The following EDIL3 variants were observed in gnomAD, a reference collection of about 807,000 sequenced individuals.
The protein encoded by EDIL3 is EGF like and discoidin domains 3.
In EDIL3, 37 loss-of-function variants were observed where a neutral mutation model predicts 67.4. That is an observed-to-expected ratio of 0.55 (90% CI 0.42 to 0.72). The LOEUF is 0.72. Among genes scored for constraint, EDIL3 ranks in the 30% least tolerant of loss-of-function variants. The pLI, the probability that EDIL3 is intolerant of heterozygous loss-of-function variation, is 0.00. For synonymous variants in EDIL3, 195 were observed against 196.3 expected (o/e 0.99, Z 0.05); for missense variants, 527 against 586.3 (o/e 0.90, Z 1.04).
chr5:84,124,844 A>G (rs1295714109), intron 5 of EDIL3, among the ~76,000 whole-genome samples: 1 of 152,052 alleles, frequency 6.6e-6, no homozygotes, highest in Non-Finnish European at 1.5e-5. Context: ...TTAAATGTGT[A>G]TAAATAGATG....
At position 84,230,868 on chromosome 5, in the gene EDIL3, G is replaced by A. The variant is rs113137022; in HGVS notation, c.197-984C>T. Among the ~76,000 whole-genome samples, 492 of 151,324 alleles carry A rather than the reference G, an allele frequency of 3.3e-3. 1 individual carries two copies. Among genetic ancestry groups the A allele is most frequent in the African/African-American group, 0.011 (470 of 41,212 alleles). ...GTGATGATTCTGTGGTAAGGACACC[G>A]GAACCTGCATTTTAAAGAGTGACCC... On this transcript the variant is annotated intron_variant, in intron 2 of 10. Transcript: ENST00000296591.
intron 4 of EDIL3, among the ~76,000 whole-genome samples, chr5:84,176,181 A>AATATATATATATATATAATATATATATAT (rs1402174246): frequency 1.3e-4 from 11 of 86,470 alleles, no homozygotes; most frequent in Admixed American, 3.3e-4. Flanking sequence ...AGTGGTAAAA[A>AATATATATATATATATAATATATATATAT]ATATATATAT....
intron 10 of EDIL3, among the ~76,000 whole-genome samples, chr5:83,956,088 T>C (rs1261718137): frequency 6.6e-6 from 1 of 151,810 alleles, no homozygotes; most frequent in African/African-American, 2.4e-5. Context: ...CTGGTTTGTC[T>C]TTCATTTCCA....
chr5:84,278,245 C>T (rs1356452115), intron 1 of EDIL3, among the ~76,000 whole-genome samples: 1 of 152,162 alleles, frequency 6.6e-6, no homozygotes, highest in Non-Finnish European at 1.5e-5. Context: ...ACATTACAGA[C>T]TGTCTATTCC....
intron 1 of EDIL3, among the ~76,000 whole-genome samples, chr5:84,261,110 T>C (rs576139729): frequency 4.6e-5 from 7 of 152,314 alleles, no homozygotes; most frequent in African/African-American, 1.4e-4. Context: ...CCTTCTATTG[T>C]AGAAGCGAGA....
At chr5:84,250,949 A>T (rs1054883033) in intron 2 of EDIL3, among the ~76,000 whole-genome samples, 2 of 152,124 alleles carry the variant, frequency 1.3e-5, no homozygotes, top group African/African-American at 4.8e-5. Flanking sequence ...TGACAGCTCA[A>T]ATATTTTTTG....
chr5:84,193,975 T>C (rs961648132), intron 3 of EDIL3, among the ~76,000 whole-genome samples: 1 of 151,954 alleles, frequency 6.6e-6, no homozygotes, highest in African/African-American at 2.4e-5. Flanking sequence ...TTATACCAAA[T>C]AATATTCTAG....
At chr5:84,313,473 T>C (rs1240516546) in intron 1 of EDIL3, among the ~76,000 whole-genome samples, 6 of 152,200 alleles carry the variant, frequency 3.9e-5, no homozygotes, top group African/African-American at 1.4e-4. Flanking sequence ...CGTGCAATAA[T>C]GGAGAACATG....
chr5:84,326,921 A>G (rs1746770828), intron 1 of EDIL3, among the ~76,000 whole-genome samples: 2 of 151,832 alleles, frequency 1.3e-5, no homozygotes, highest in Non-Finnish European at 2.9e-5. Context: ...TCTGTGCTAC[A>G]ATCTAATTTT....
At chr5:84,075,461 GCTT>G (rs760523965) in intron 6 of EDIL3, among the ~76,000 whole-genome samples, 67 of 151,888 alleles carry the variant, frequency 4.4e-4, no homozygotes, top group Non-Finnish European at 7.5e-4. Context: ...TTTGACAGGG[GCTT>G]CTTCTTCTTC....
intron 1 of EDIL3, among the ~76,000 whole-genome samples, chr5:84,277,170 A>C (rs756823657): frequency 4.6e-5 from 7 of 152,140 alleles, no homozygotes; most frequent in Non-Finnish European, 8.8e-5. Flanking sequence ...CATCCCCCCA[A>C]GATTCATATG....
At chr5:84,051,929 C>A (rs577670924) in intron 9 of EDIL3, among the ~76,000 whole-genome samples, 4 of 152,228 alleles carry the variant, frequency 2.6e-5, no homozygotes, top group African/African-American at 4.8e-5. Flanking sequence ...GCAAAGCAGA[C>A]CAACATTCAA....
rs113262837 is a variant in EDIL3, at chr5:84,149,229, T to C, written c.356-11875A>G. Among the ~76,000 whole-genome samples the C allele has an allele frequency of 7.2e-3, 1,103 of 152,284 alleles. 17 individuals are homozygous for C. Among genetic ancestry groups the C allele is most frequent in the East Asian group, 0.037 (194 of 5,176 alleles). On this transcript the variant is annotated intron_variant, in intron 4 of 10. Transcript: ENST00000296591. The stretch of plus-strand genomic sequence containing the variant: ...AGTTCACCACAGAGATCTGCAGTCC[T>C]GAACACTGCCGTGCTCTCTAAAGTA...
intron 9 of EDIL3, among the ~76,000 whole-genome samples, chr5:83,988,782 C>T (rs566440102): frequency 5.3e-5 from 8 of 152,086 alleles, no homozygotes; most frequent in East Asian, 1.9e-4. Context: ...CATGTTTGTT[C>T]CTAAAGAGCA....
intron 6 of EDIL3, among the ~76,000 whole-genome samples, chr5:84,094,596 C>A (rs1747228729): frequency 6.6e-6 from 1 of 151,984 alleles, no homozygotes; most frequent in Non-Finnish European, 1.5e-5. Context: ...CTATAAATAT[C>A]AAAAACGTTT....
At chr5:84,283,846 T>C (rs550917844) in intron 1 of EDIL3, among the ~76,000 whole-genome samples, 15 of 152,284 alleles carry the variant, frequency 9.9e-5, no homozygotes, top group Admixed American at 2.0e-4. Context: ...TTTACTATGT[T>C]CAAAATTGAA....
intron 1 of EDIL3, among the ~76,000 whole-genome samples, chr5:84,259,988 C>T (rs1030281750): frequency 2.0e-5 from 3 of 152,154 alleles, no homozygotes; most frequent in Non-Finnish European, 4.4e-5. Flanking sequence ...TATGTTGGTA[C>T]TACTGAGAAT....
chr5:84,242,187 A>C (rs890437845), intron 2 of EDIL3, among the ~76,000 whole-genome samples: 2 of 151,634 alleles, frequency 1.3e-5, no homozygotes, highest in Non-Finnish European at 2.9e-5. Context: ...AGCCGAGATC[A>C]CGCCACTGCA....
intron 9 of EDIL3, among the ~76,000 whole-genome samples, chr5:84,047,450 T>C (rs1424980613): frequency 6.6e-6 from 1 of 152,112 alleles, no homozygotes; most frequent in Non-Finnish European, 1.5e-5. Context: ...GTAGATGTGT[T>C]ATTCATTGTA....
Sources: allele counts gnomAD v4.1 joint callset (sites outside exome capture counted in the v4.1 genomes callset), GRCh38; gene constraint gnomAD v4.1.1; transcripts MANE v1.5; gene names NCBI Gene and HGNC (gene_info 2026-07-23, HGNC 2026-07-21).